The following SUPT5H variants were observed in gnomAD, a reference collection of about 807,000 sequenced individuals.
SUPT5H encodes SPT5 homolog, DSIF elongation factor subunit.
A neutral mutation model predicts 142.5 loss-of-function variants in SUPT5H; 24 were observed. The observed-to-expected ratio is 0.17, with a 90% CI of 0.12 to 0.24. SUPT5H has a LOEUF of 0.24. SUPT5H is among the 10% of genes least tolerant of loss of function. The probability of loss-of-function intolerance (pLI) is 1.00; values close to 1 mark genes in which losing one functional copy is unlikely to be tolerated. For missense variants in SUPT5H, 893 were observed against 1,471.8 expected, an observed-to-expected ratio of 0.61 and a Z score of 6.43; for synonymous variants, 546 against 553.0, an observed-to-expected ratio of 0.99 and a Z score of 0.18.
chr19:39,459,534 G>A (rs1258238490), intron 8 of SUPT5H, 25 bp from the exon 9 acceptor site: 2 of 1,613,724 alleles, frequency 1.2e-6, no homozygotes, highest in South Asian at 1.1e-5. Flanking sequence ...TTCACTGAAG[G>A]CCTTCCTTTT....
Position 39,469,269 on chromosome 19 carries a change from G to T in SUPT5H, c.1245G>T (p.Glu415Asp). 3 of 1,614,212 alleles carry T rather than the reference G, an allele frequency of 1.9e-6. No homozygotes were observed. Among genetic ancestry groups the T allele is most frequent in the Non-Finnish European group, 2.5e-6 (3 of 1,180,028 alleles). ...CTACGACTGCCCCTGCAGGGAAGGAGCGGGAGCACAACTTCCAACCTGGGG... is the reference window on the plus strand; with the variant it reads ...CTACGACTGCCCCTGCAGGGAAGGATCGGGAGCACAACTTCCAACCTGGGG... The part of the protein sequence containing the change: ...LEVVTESTGK[E>D]REHNFQPGDN... The change falls in exon 16 of 30, where the codon GAG becomes GAT. Residue 415 changes from glutamate to aspartate, a missense_variant. Physicochemically the swap from Glu to Asp is conservative, Grantham distance 45. Coordinates refer to ENST00000432763, the MANE Select transcript of SUPT5H (RefSeq NM_001111020.3). The surrounding 1 kb of genome is among the most constrained non-coding windows in gnomAD (Gnocchi z 5.1).
intron 2 of SUPT5H, among the ~76,000 whole-genome samples, chr19:39,452,193 C>T (rs2146078187): frequency 6.6e-6 from 1 of 152,276 alleles, no homozygotes; most frequent in South Asian, 2.1e-4. Context: ...GTTTGGGACA[C>T]AGTGAGTATG....
chr19:39,472,339 A>G lies in SUPT5H; in HGVS notation c.1951-70A>G. 6.7e-7 allele frequency: 1 copy of G among 1,485,932 alleles called. No homozygotes were observed. Among genetic ancestry groups the G allele is most frequent in the Non-Finnish European group, 9.4e-7 (1 of 1,067,618 alleles). The allele number at this position is 1,485,932 out of a possible 1,614,324, so 92.0% of individuals were successfully genotyped here. On this transcript the variant is annotated intron_variant, in intron 20 of 29. Coordinates refer to ENST00000432763, the MANE Select transcript of SUPT5H (RefSeq NM_001111020.3). This position sits in a 1 kb window ranked among gnomAD's most constrained non-coding sequence, Gnocchi z 4.2. ...GTCTCCTCAGGGCCCTGCACGTGGG[A>G]TGATGAGTTCCTGTGGTTTGTGGTT...
At position 39,470,652 on chromosome 19, in the gene SUPT5H, C is replaced by G. The variant is rs147808694; in HGVS notation, c.1677+129C>G. Reference sequence around the variant, plus strand: ...GCAGATCTGGCTCTGTCACTTACATCTGAATGGCTGATAGTGGGCACATGG... The same window carrying G: ...GCAGATCTGGCTCTGTCACTTACATGTGAATGGCTGATAGTGGGCACATGG... On this transcript the variant is annotated intron_variant, in intron 18 of 29. Transcript: ENST00000432763. The surrounding 1 kb of genome is among the most constrained non-coding windows in gnomAD (Gnocchi z 5.8). 1.5e-3 allele frequency: 1,587 copies of G among 1,066,882 alleles called. 14 individuals are homozygous for G. In the African/African-American group the frequency reaches 0.022, roughly 15 times the overall value. The allele number at this position is 1,066,882 out of a possible 1,614,324, so 66.1% of individuals were successfully genotyped here.
intron 10 of SUPT5H, among the ~76,000 whole-genome samples, chr19:39,463,732 A>G (rs1308859512): frequency 1.3e-5 from 2 of 152,176 alleles, no homozygotes; most frequent in African/African-American, 4.8e-5. Context: ...AGCTCTATCC[A>G]TGATTGAAAG....
At chr19:39,471,291 G>T in intron 18 of SUPT5H, 66 bp from the exon 19 acceptor site, 1 of 1,592,086 alleles carries the variant, frequency 6.3e-7, no homozygotes, top group East Asian at 2.2e-5. Flanking sequence ...CCACTTTAGG[G>T]AACCCCTGCC....
chr19:39,453,685 C>G (rs939259957), intron 3 of SUPT5H, among the ~76,000 whole-genome samples, 164 bp downstream of exon 3: 4 of 152,210 alleles, frequency 2.6e-5, no homozygotes, highest in Admixed American at 1.3e-4. Flanking sequence ...CTGCCTCAGC[C>G]TCCTGAATAG....
Position 39,474,152 on chromosome 19 carries a change from C to A in SUPT5H, c.2651+31C>A. 1 of 1,607,646 alleles carries A rather than the reference C, an allele frequency of 6.2e-7. No homozygotes were observed. Among genetic ancestry groups the A allele is most frequent in the Non-Finnish European group, 8.5e-7 (1 of 1,176,652 alleles). On this transcript the variant is annotated intron_variant, in intron 26 of 29. Transcript: ENST00000432763. This position sits in a 1 kb window ranked among gnomAD's most constrained non-coding sequence, Gnocchi z 6.5. ...TCCACTGGGGCCTGCCCTCGTCTACCCCTGCCCAAACCCTCCTACTGCCAC... is the reference window on the plus strand; with the variant it reads ...TCCACTGGGGCCTGCCCTCGTCTACACCTGCCCAAACCCTCCTACTGCCAC...
In SUPT5H at chr19:39,474,766, A is replaced by G. The variant is rs777386561; in HGVS notation, c.3024+48A>G. 6.4e-7 allele frequency: 1 copy of G among 1,551,088 alleles called. No individual in the cohort carries two copies. Among genetic ancestry groups the G allele is most frequent in the Admixed American group, 1.9e-5 (1 of 51,686 alleles). On this transcript the variant is annotated intron_variant, in intron 28 of 29. Transcript: ENST00000432763. The surrounding 1 kb of genome is among the most constrained non-coding windows in gnomAD (Gnocchi z 6.5). ...GGTGAGCAGGCATCCTCTCCTTGGTACCCCCTAAACTGGAGACAGACCTGT... is the reference window on the plus strand; with the variant it reads ...GGTGAGCAGGCATCCTCTCCTTGGTGCCCCCTAAACTGGAGACAGACCTGT...
Position 39,466,801 on chromosome 19 carries a change from T to A in SUPT5H, c.1037+56T>A. 1 of 1,581,766 alleles carries A rather than the reference T, an allele frequency of 6.3e-7. No homozygotes were observed. The highest frequency in any genetic ancestry group is 8.7e-7 in the Non-Finnish European group (1 of 1,150,758). On this transcript the variant is annotated intron_variant, in intron 13 of 29. Coordinates refer to ENST00000432763, the MANE Select transcript of SUPT5H (RefSeq NM_001111020.3). The surrounding 1 kb of genome is among the most constrained non-coding windows in gnomAD (Gnocchi z 4.3). The stretch of plus-strand genomic sequence containing the variant: ...GTCCCCAGGGCCGGTGTGTAGAATG[T>A]GCCTTTTGCAGGTTCCTCCCCAGGG...
chr19:39,455,732 C>T (rs527574772), intron 3 of SUPT5H, among the ~76,000 whole-genome samples: 1 of 150,976 alleles, frequency 6.6e-6, no homozygotes, highest in Admixed American at 6.6e-5. Flanking sequence ...AAGTGCTTCT[C>T]CTGCCTCAGC....
chr19:39,471,548 G>T (rs999807864), intron 19 of SUPT5H, 45 bp downstream of exon 19: 6 of 1,613,878 alleles, frequency 3.7e-6, no homozygotes, highest in Non-Finnish European at 4.2e-6. Context: ...AAAGAATTTG[G>T]TTGGTTGGGG....
chr19:39,461,321 T>C (rs1801044881), intron 10 of SUPT5H, among the ~76,000 whole-genome samples: 4 of 151,668 alleles, frequency 2.6e-5, no homozygotes, highest in Non-Finnish European at 5.9e-5. Flanking sequence ...GTCTTCCTCA[T>C]TATTATAGTA....
At position 39,469,234 on chromosome 19, in the gene SUPT5H, C is replaced by T. The variant is rs369401226; in HGVS notation, c.1238-28C>T. On this transcript the variant is annotated intron_variant, in intron 15 of 29. Coordinates refer to ENST00000432763, the MANE Select transcript of SUPT5H (RefSeq NM_001111020.3). This position sits in a 1 kb window ranked among gnomAD's most constrained non-coding sequence, Gnocchi z 5.1. ...AGGGGCGGCCCATGGTGGCAACCCCCGAGTCAGCCCTACGACTGCCCCTGC... is the reference window on the plus strand; with the variant it reads ...AGGGGCGGCCCATGGTGGCAACCCCTGAGTCAGCCCTACGACTGCCCCTGC... The T allele has an allele frequency of 4.0e-5, 64 of 1,614,162 alleles. No individual in the cohort carries two copies. The highest frequency in any genetic ancestry group is 1.9e-4 in the African/African-American group (14 of 75,060).
At chr19:39,465,854 T>A (rs1360561288) in intron 11 of SUPT5H, among the ~76,000 whole-genome samples, 3 of 152,208 alleles carry the variant, frequency 2.0e-5, no homozygotes, top group Non-Finnish European at 2.9e-5. Context: ...GTTGAGTGTC[T>A]CTAACCTGAA....
chr19:39,472,680 G>C lies in SUPT5H; in HGVS notation c.2036-130G>C. The C allele has an allele frequency of 6.9e-7, 1 of 1,445,812 alleles. No individual in the cohort carries two copies. Among genetic ancestry groups the C allele is most frequent in the East Asian group, 2.5e-5 (1 of 40,414 alleles). The allele number at this position is 1,445,812 out of a possible 1,614,324, so 89.6% of individuals were successfully genotyped here. ...TCAGGGCTTCCATAGGAAAGCCATG[G>C]GGCAGGGGTGGGCAGAGGAGGCTCT... On this transcript the variant is annotated intron_variant, in intron 21 of 29. Transcript: ENST00000432763. This position sits in a 1 kb window ranked among gnomAD's most constrained non-coding sequence, Gnocchi z 4.2.
chr19:39,468,929 G>A, intron 14 of SUPT5H, 68 bp downstream of exon 14: 3 of 1,565,150 alleles, frequency 1.9e-6, no homozygotes, highest in African/African-American at 1.4e-5. Flanking sequence ...GATGCCCTGG[G>A]CTGTGGGTTA....
At position 39,476,063 on chromosome 19, in the gene SUPT5H, G is replaced by A. The variant is rs1484390996; in HGVS notation, c.3025-18G>A. 5 of 1,609,046 alleles carry A rather than the reference G, an allele frequency of 3.1e-6. No homozygotes were observed. The South Asian group carries it at 4.4e-5, about 14-fold the overall frequency. ...GTTGGGAGCAGGACAGGCTGACCAG[G>A]CTGTCCCCATCCTCCAGGGGGGCAT... On this transcript the variant is annotated intron_variant, in intron 28 of 29. Coordinates refer to ENST00000432763, the MANE Select transcript of SUPT5H (RefSeq NM_001111020.3).
chr19:39,470,256 T>C lies in SUPT5H; in HGVS notation c.1512T>C (p.Ser504=). 1 of 1,579,710 alleles carries C rather than the reference T, an allele frequency of 6.3e-7. No individual in the cohort carries two copies. The highest frequency in any genetic ancestry group is 8.6e-7 in the Non-Finnish European group (1 of 1,157,632). Residue 504 remains serine (S), a synonymous_variant, in exon 17 of 30, where the codon TCT becomes TCC. Transcript: ENST00000432763. The surrounding 1 kb of genome is among the most constrained non-coding windows in gnomAD (Gnocchi z 5.8). ...AGGAGAATTTCGTTATCCTGTTCTC[T>C]GACCTCACCATGCATGAGGTAGGTG... ...RVEENFVILF[S]DLTMHELKVL...
Sources: gnomAD v4.1 joint callset for allele counts (sites outside exome capture counted in the v4.1 genomes callset) on GRCh38, gnomAD v4.1.1 for gene constraint, Gnocchi (gnomAD v3.1) non-coding constraint, MANE v1.5 for transcripts, NCBI Gene and HGNC (gene_info 2026-07-23, HGNC 2026-07-21) for gene names.